The following MANEA variants were observed in gnomAD, a reference collection of about 807,000 sequenced individuals.
MANEA encodes mannosidase endo-alpha.
A neutral mutation model predicts 36.8 loss-of-function variants in MANEA; 25 were observed. That is an observed-to-expected ratio of 0.68 (90% CI 0.50 to 0.95). The LOEUF is 0.95. Among genes scored for constraint, MANEA ranks in the 40% least tolerant of loss-of-function variants. MANEA has a pLI of 0.00. For missense variants in MANEA, 565 were observed against 558.8 expected, an observed-to-expected ratio of 1.01 and a Z score of -0.11; for synonymous variants, 198 against 188.5, an observed-to-expected ratio of 1.05 and a Z score of -0.41.
intron 2 of MANEA, chr6:95,587,232 T>G (rs1391859703): frequency 7.1e-6 from 3 of 421,638 alleles, no homozygotes; most frequent in African/African-American, 6.1e-5. Context: ...TCTAATTTAA[T>G]TCACTTTCTC....
At chr6:95,600,061 T>C (rs1769560134) in intron 3 of MANEA, among the ~76,000 whole-genome samples, 1 of 152,166 alleles carries the variant, frequency 6.6e-6, no homozygotes, top group African/African-American at 2.4e-5. Flanking sequence ...TCAGGAAGTT[T>C]TGAAAGAGAA....
chr6:95,578,024 C>T (rs892301824), intron 1 of MANEA, among the ~76,000 whole-genome samples: 7 of 152,200 alleles, frequency 4.6e-5, no homozygotes, highest in African/African-American at 1.7e-4. Flanking sequence ...TTTTCAGCAC[C>T]TTCTCCTTGT....
chr6:95,587,088 A>G (rs1769302975), intron 2 of MANEA, 105 bp downstream of exon 2: 1 of 721,936 alleles, frequency 1.4e-6, no homozygotes, highest in Non-Finnish European at 2.3e-6. Flanking sequence ...TATTAATTAT[A>G]TTGTTAAGCT....
At position 95,586,849 on chromosome 6, in the gene MANEA, A is replaced by G; in HGVS notation, c.410A>G (p.Lys137Arg). The G allele has an allele frequency of 6.2e-7, 1 of 1,613,984 alleles. No individual in the cohort carries two copies. Among genetic ancestry groups the G allele is most frequent in the South Asian group, 1.1e-5 (1 of 91,078 alleles). ...VLEHWDPRIA[K>R]NYPQGRHNPP... ...GAGCATTGGGACCCTAGAATAGCCA[A>G]GAATTATCCACAAGGGAGACACAAC... is the stretch of plus-strand genomic sequence containing the variant. Residue 137 changes from lysine (K) to arginine (R), a missense_variant, in exon 2 of 5, where the codon AAG becomes AGG. Coordinates refer to ENST00000358812, the MANE Select transcript of MANEA (RefSeq NM_024641.4).
chr6:95,592,456 CT>C (rs1481385758), intron 2 of MANEA, among the ~76,000 whole-genome samples: 2 of 151,834 alleles, frequency 1.3e-5, no homozygotes, highest in Admixed American at 6.6e-5. Context: ...GTTTTTCTTG[CT>C]TTTTTTTCTG....
intron 2 of MANEA, among the ~76,000 whole-genome samples, chr6:95,593,073 G>T (rs1388769709): frequency 6.6e-6 from 1 of 152,164 alleles, no homozygotes; most frequent in African/African-American, 2.4e-5. Context: ...AGTTTGCTAA[G>T]CAATTAGGAT....
Position 95,606,104 on chromosome 6 carries a change from C to G in MANEA, c.1088C>G (p.Thr363Ser), listed in dbSNP as rs781038414. 2.8e-5 allele frequency: 45 copies of G among 1,613,730 alleles called. No homozygotes were observed. In the Admixed American group the frequency reaches 3.0e-4, roughly 11 times the overall value. ...IPSVGPGYID[T>S]SIRPWNTQNT... Reference sequence around the variant, plus strand: ...AGTGTGGGCCCAGGATACATAGATACCAGCATCCGTCCATGGAACACGCAA... The same window carrying G: ...AGTGTGGGCCCAGGATACATAGATAGCAGCATCCGTCCATGGAACACGCAA... Residue 363 changes from threonine to serine, a missense_variant, in exon 5 of 5, where the codon ACC (threonine) becomes AGC (serine). Thr to Ser is a moderately conservative substitution (Grantham distance 58, BLOSUM62 1). Coordinates refer to ENST00000358812, the MANE Select transcript of MANEA (RefSeq NM_024641.4).
chr6:95,581,628 T>C (rs953635262), intron 1 of MANEA, among the ~76,000 whole-genome samples: 1 of 152,216 alleles, frequency 6.6e-6, no homozygotes, highest in Non-Finnish European at 1.5e-5. Context: ...ATACCCTCTT[T>C]TTTAAGAAAA....
intron 2 of MANEA, among the ~76,000 whole-genome samples, chr6:95,589,640 C>T (rs544804042): frequency 2.0e-5 from 3 of 152,150 alleles, no homozygotes; most frequent in African/African-American, 4.8e-5. Context: ...TAAAATATTA[C>T]GTATCATGTA....
At chr6:95,602,674 A>AT (rs1393489349) in intron 3 of MANEA, among the ~76,000 whole-genome samples, 1 of 152,104 alleles carries the variant, frequency 6.6e-6, no homozygotes, top group Non-Finnish European at 1.5e-5. Context: ...GATCTAATTG[A>AT]TTTTTCCAAA....
Position 95,586,848 on chromosome 6 carries a change from A to G in MANEA, c.409A>G (p.Lys137Glu). 3.7e-6 allele frequency: 6 copies of G among 1,613,942 alleles called. No individual in the cohort carries two copies. Among genetic ancestry groups the G allele is most frequent in the Non-Finnish European group, 5.1e-6 (6 of 1,179,864 alleles). Residue 137 changes from lysine to glutamate, a missense_variant, in exon 2 of 5, where the codon AAG becomes GAG. Transcript: ENST00000358812. ...VLEHWDPRIA[K>E]NYPQGRHNPP... ...AGAGCATTGGGACCCTAGAATAGCC[A>G]AGAATTATCCACAAGGGAGACACAA... is the stretch of plus-strand genomic sequence containing the variant.
intron 2 of MANEA, among the ~76,000 whole-genome samples, chr6:95,595,819 GC>G (rs1412109270): frequency 4.6e-5 from 7 of 152,008 alleles, no homozygotes; most frequent in Non-Finnish European, 4.4e-5. Flanking sequence ...AAGTAGGCAG[GC>G]ACTACAGAGA....
intron 2 of MANEA, 22 bp downstream of exon 2, chr6:95,587,005 A>ATATATGTG (rs148967607): frequency 0.013 from 17,472 of 1,336,696 alleles, 112 homozygotes; most frequent in Non-Finnish European, 0.016. Context: ...ATATATATAT[A>ATATATGTG]TGTGTGTTTG....
intron 1 of MANEA, among the ~76,000 whole-genome samples, chr6:95,580,882 T>G (rs1173077993): frequency 6.6e-6 from 1 of 152,148 alleles, no homozygotes; most frequent in African/African-American, 2.4e-5. Flanking sequence ...TTTCAATAGT[T>G]GGTCATATAG....
At chr6:95,581,408 A>G (rs1056283092) in intron 1 of MANEA, among the ~76,000 whole-genome samples, 7 of 152,156 alleles carry the variant, frequency 4.6e-5, no homozygotes, top group Non-Finnish European at 8.8e-5. Context: ...GAGAGAGAGA[A>G]AAAAAAACAG....
chr6:95,585,851 A>C (rs1769269343), intron 1 of MANEA, among the ~76,000 whole-genome samples: 1 of 152,094 alleles, frequency 6.6e-6, no homozygotes, highest in African/African-American at 2.4e-5. Context: ...TGTAAATTTT[A>C]CACTTAGATT....
chr6:95,581,737 A>C (rs1769186615), intron 1 of MANEA, among the ~76,000 whole-genome samples: 1 of 152,182 alleles, frequency 6.6e-6, no homozygotes, highest in South Asian at 2.1e-4. Context: ...GAATCTCGCC[A>C]TTCAGCTGAA....
intron 2 of MANEA, among the ~76,000 whole-genome samples, chr6:95,587,905 A>G (rs1769317905): frequency 6.6e-6 from 1 of 150,748 alleles, no homozygotes; most frequent in Admixed American, 6.6e-5. Flanking sequence ...ACATATGCGT[A>G]TTATTCTGTT....
intron 1 of MANEA, among the ~76,000 whole-genome samples, chr6:95,582,223 G>A (rs1196831620): frequency 2.5e-5 from 3 of 121,612 alleles, no homozygotes; most frequent in South Asian, 2.6e-4. Context: ...TTGCTCTGTC[G>A]CCGAGGCTGG....
Sources: allele counts gnomAD v4.1 joint callset (sites outside exome capture counted in the v4.1 genomes callset), GRCh38; gene constraint gnomAD v4.1.1; transcripts MANE v1.5; gene names NCBI Gene and HGNC (gene_info 2026-07-23, HGNC 2026-07-21).